KCNH7: variants seen among roughly 807,000 people sequenced by gnomAD.
KCNH7 encodes the protein potassium voltage-gated channel subfamily H member 7.
KCNH7 carries 49 observed loss-of-function variants against 120.8 expected under a neutral mutation model. That is an observed-to-expected ratio of 0.41 (90% CI 0.32 to 0.51). The LOEUF is 0.51. Ranked by LOEUF, KCNH7 falls within the 20% of genes least tolerant of loss-of-function variation. KCNH7 has a pLI of 0.38. For missense variants in KCNH7, 1,097 were observed against 1,446.6 expected, an observed-to-expected ratio of 0.76 and a Z score of 3.92; for synonymous variants, 547 against 516.1, an observed-to-expected ratio of 1.06 and a Z score of -0.81.
intron 2 of KCNH7, among the ~76,000 whole-genome samples, chr2:162,639,024 C>A (rs1240274935): frequency 1.3e-5 from 2 of 152,106 alleles, no homozygotes; most frequent in African/African-American, 2.4e-5. Context: ...CTAGCACAAT[C>A]CTTGGCCTCT....
At chr2:162,388,579 C>T (rs1686648917) in intron 12 of KCNH7, among the ~76,000 whole-genome samples, 1 of 151,796 alleles carries the variant, frequency 6.6e-6, no homozygotes, top group Non-Finnish European at 1.5e-5. Context: ...AAAAGCTAAT[C>T]ATTGTTTGCT....
At chr2:162,655,554 A>G (rs892509443) in intron 2 of KCNH7, among the ~76,000 whole-genome samples, 1 of 152,070 alleles carries the variant, frequency 6.6e-6, no homozygotes, top group Non-Finnish European at 1.5e-5. Flanking sequence ...TGGGAGACTG[A>G]GGTGGGCGGA....
chr2:162,824,185 G>A (rs922591174), intron 2 of KCNH7, among the ~76,000 whole-genome samples: 1 of 152,142 alleles, frequency 6.6e-6, no homozygotes, highest in South Asian at 2.1e-4. Flanking sequence ...AAGTTATTGG[G>A]GCAGCCAGTA....
chr2:162,684,922 A>C (rs1364226819), intron 2 of KCNH7, among the ~76,000 whole-genome samples: 6 of 152,182 alleles, frequency 3.9e-5, no homozygotes, highest in African/African-American at 1.4e-4. Flanking sequence ...AGCACTGTTC[A>C]CAATGGCAAA....
intron 8 of KCNH7, among the ~76,000 whole-genome samples, chr2:162,423,995 T>C (rs1687783512): frequency 6.6e-6 from 1 of 152,186 alleles, no homozygotes; most frequent in Non-Finnish European, 1.5e-5. Flanking sequence ...CCTTTCAGCC[T>C]CAAATCTAAC....
At chr2:162,454,205 A>G (rs967332358) in intron 6 of KCNH7, among the ~76,000 whole-genome samples, 2 of 152,142 alleles carry the variant, frequency 1.3e-5, no homozygotes, top group African/African-American at 4.8e-5. Context: ...TATTTATGAA[A>G]CAGGGAATCC....
intron 2 of KCNH7, among the ~76,000 whole-genome samples, chr2:162,803,970 C>G (rs1357916507): frequency 6.6e-6 from 1 of 151,552 alleles, no homozygotes; most frequent in African/African-American, 2.4e-5. Context: ...ATCATATTAA[C>G]TTAATTTCAC....
intron 2 of KCNH7, among the ~76,000 whole-genome samples, chr2:162,770,414 T>C (rs1683001165): frequency 6.6e-6 from 1 of 151,706 alleles, no homozygotes; most frequent in Admixed American, 6.6e-5. Flanking sequence ...CAGTTAACTA[T>C]AAACTATTAA....
intron 2 of KCNH7, among the ~76,000 whole-genome samples, chr2:162,571,590 C>G (rs1336982469): frequency 6.7e-6 from 1 of 149,242 alleles, no homozygotes; most frequent in Non-Finnish European, 1.5e-5. Flanking sequence ...ATCGCCAAGT[C>G]AATCCTAAGC....
chr2:162,541,255 T>C (rs946448453), intron 2 of KCNH7, among the ~76,000 whole-genome samples: 1 of 152,012 alleles, frequency 6.6e-6, no homozygotes, highest in African/African-American at 2.4e-5. Context: ...GGATTACGTA[T>C]AAGGACTGGA....
Position 162,423,371 on chromosome 2 carries a change from C to T in KCNH7, c.2119G>A (p.Ala707Thr), listed in dbSNP as rs1189248654. 20 of 1,613,932 alleles carry T rather than the reference C, an allele frequency of 1.2e-5. No homozygotes were observed. Among genetic ancestry groups the T allele is most frequent in the Non-Finnish European group, 1.4e-5 (17 of 1,179,954 alleles). Residue 707 changes from alanine (A) to threonine (T), a missense_variant, in exon 9 of 16, where the codon GCA becomes ACA. Ala to Thr is a moderately conservative substitution (Grantham distance 58). Coordinates refer to ENST00000332142, the MANE Select transcript of KCNH7 (RefSeq NM_033272.4). ...RQRLEEYFQH[A>T]WTYTNGIDMN... Reference sequence around the variant, plus strand: ...TCAATGCCATTGGTGTAAGTCCATGCGTGCTGGAAATATTCTTCAAGACGT... The same window carrying T: ...TCAATGCCATTGGTGTAAGTCCATGTGTGCTGGAAATATTCTTCAAGACGT...
chr2:162,597,388 C>A (rs529275416), intron 2 of KCNH7, among the ~76,000 whole-genome samples: 2 of 152,082 alleles, frequency 1.3e-5, no homozygotes, highest in Non-Finnish European at 2.9e-5. Flanking sequence ...TCATTTGTGA[C>A]AACATGGATG....
At chr2:162,566,085 T>C (rs1336121446) in intron 2 of KCNH7, among the ~76,000 whole-genome samples, 1 of 151,994 alleles carries the variant, frequency 6.6e-6, no homozygotes, top group Non-Finnish European at 1.5e-5. Flanking sequence ...ATGCTCATAG[T>C]GGGGGACTGA....
chr2:162,598,457 C>T (rs1050244580), intron 2 of KCNH7, among the ~76,000 whole-genome samples: 1 of 151,528 alleles, frequency 6.6e-6, no homozygotes. Context: ...TTATATGTGG[C>T]CAAAAAAAAT....
At chr2:162,522,774 A>T (rs929695930) in intron 3 of KCNH7, among the ~76,000 whole-genome samples, 2 of 151,902 alleles carry the variant, frequency 1.3e-5, no homozygotes, top group African/African-American at 4.8e-5. Flanking sequence ...TAAACTGCTT[A>T]CATGATTATA....
intron 2 of KCNH7, among the ~76,000 whole-genome samples, chr2:162,596,171 C>T (rs541446248): frequency 2.0e-5 from 3 of 152,000 alleles, no homozygotes; most frequent in Non-Finnish European, 4.4e-5. Context: ...CCTATCAAAA[C>T]TCCAATGACA....
intron 12 of KCNH7, among the ~76,000 whole-genome samples, chr2:162,391,122 T>G (rs1195975431): frequency 6.6e-6 from 1 of 152,040 alleles, no homozygotes; most frequent in East Asian, 1.9e-4. Context: ...ATGCCACTGC[T>G]GATTTACAGG....
At chr2:162,643,838 A>G (rs1193676650) in intron 2 of KCNH7, among the ~76,000 whole-genome samples, 8 of 151,634 alleles carry the variant, frequency 5.3e-5, no homozygotes, top group Middle Eastern at 3.2e-3. Flanking sequence ...AGAAGAAAAG[A>G]AAAAAGAAAA....
chr2:162,419,410 A>G (rs892860459), intron 9 of KCNH7, among the ~76,000 whole-genome samples: 1 of 152,014 alleles, frequency 6.6e-6, no homozygotes, highest in Non-Finnish European at 1.5e-5. Context: ...AAAAGCTCCC[A>G]TAATAACGTT....
Sources: gnomAD v4.1 joint callset for allele counts (sites outside exome capture counted in the v4.1 genomes callset) on GRCh38, gnomAD v4.1.1 for gene constraint, MANE v1.5 for transcripts, NCBI Gene and HGNC (gene_info 2026-07-23, HGNC 2026-07-21) for gene names.